Variants in PPARGC1A observed in about 807,000 individuals in gnomAD.
PPARGC1A encodes the protein PPARG coactivator 1 alpha.
PPARGC1A carries 25 observed loss-of-function variants against 88.7 expected under a neutral mutation model. The observed-to-expected ratio is 0.28, with a 90% CI of 0.21 to 0.39. PPARGC1A has a LOEUF of 0.39. PPARGC1A is among the 10% of genes least tolerant of loss of function. The pLI is 1.00. For synonymous variants in PPARGC1A, 363 were observed against 355.6 expected (o/e 1.02, Z -0.24); for missense variants, 880 against 968.7 (o/e 0.91, Z 1.22).
the PPARGC1A span, among the ~76,000 whole-genome samples, chr4:24,316,549 A>C: frequency 4.6e-5 from 7 of 152,164 alleles, no homozygotes; most frequent in Non-Finnish European, 1.0e-4. Context: ...AACCCTCCAC[A>C]TTAGCTTTAT....
the PPARGC1A span, among the ~76,000 whole-genome samples, chr4:24,250,718 A>T: frequency 6.6e-6 from 1 of 152,220 alleles, no homozygotes; most frequent in Non-Finnish European, 1.5e-5. Context: ...AGTCCAGGTC[A>T]GGTCAAGGGG....
the PPARGC1A span, among the ~76,000 whole-genome samples, chr4:24,304,686 G>T: frequency 6.6e-6 from 1 of 152,062 alleles, no homozygotes; most frequent in African/African-American, 2.4e-5. Context: ...TTCACTGACC[G>T]AATCAGGACA....
chr4:23,910,113 G>C, the PPARGC1A span, among the ~76,000 whole-genome samples: 17 of 130,750 alleles, frequency 1.3e-4, no homozygotes, highest in South Asian at 2.3e-4. Flanking sequence ...ATATGTATAT[G>C]TGTGTGTATA....
chr4:24,455,786 A>G, the PPARGC1A span, among the ~76,000 whole-genome samples: 3 of 152,220 alleles, frequency 2.0e-5, no homozygotes, highest in African/African-American at 7.2e-5. Flanking sequence ...ACCTTCTGCC[A>G]TGAAATGATG....
chr4:24,000,972 G>A, the PPARGC1A span, among the ~76,000 whole-genome samples: 1 of 152,090 alleles, frequency 6.6e-6, no homozygotes, highest in East Asian at 1.9e-4. Context: ...CCAATATTCA[G>A]TTTTATCTAA....
At chr4:24,004,567 C>G in the PPARGC1A span, among the ~76,000 whole-genome samples, 4 of 152,326 alleles carry the variant, frequency 2.6e-5, no homozygotes, top group East Asian at 7.7e-4. Context: ...AATTTCACCT[C>G]TAAGGTGGCT....
the PPARGC1A span, among the ~76,000 whole-genome samples, chr4:24,290,601 C>T: frequency 1.3e-5 from 2 of 152,178 alleles, no homozygotes; most frequent in Non-Finnish European, 1.5e-5. Flanking sequence ...TCATGATTTC[C>T]TTGAATGCCC....
At chr4:23,955,978 A>T in the PPARGC1A span, among the ~76,000 whole-genome samples, 1 of 152,082 alleles carries the variant, frequency 6.6e-6, no homozygotes, top group Non-Finnish European at 1.5e-5. Flanking sequence ...CTGCCATGTA[A>T]ATCAAAAGCA....
chr4:24,204,196 G>A, the PPARGC1A span, among the ~76,000 whole-genome samples: 2 of 152,162 alleles, frequency 1.3e-5, no homozygotes, highest in Non-Finnish European at 2.9e-5. Flanking sequence ...CCAGTAAAGA[G>A]TTAAGGGGCC....
the PPARGC1A span, among the ~76,000 whole-genome samples, chr4:23,992,698 C>T: frequency 6.6e-6 from 1 of 152,036 alleles, no homozygotes; most frequent in African/African-American, 2.4e-5. Context: ...CTCGATATAG[C>T]CCATTAATTT....
the PPARGC1A span, among the ~76,000 whole-genome samples, chr4:24,432,142 G>A: frequency 2.6e-5 from 4 of 152,238 alleles, no homozygotes; most frequent in Admixed American, 6.5e-5. Context: ...ATAAGACAGA[G>A]GAAAGAAAGT....
chr4:24,061,872 A>G, the PPARGC1A span, among the ~76,000 whole-genome samples: 3 of 152,328 alleles, frequency 2.0e-5, no homozygotes, highest in Admixed American at 2.0e-4. Context: ...CCAGCTGCCC[A>G]GATCTTGAGT....
chr4:24,308,385 G>T, the PPARGC1A span, among the ~76,000 whole-genome samples: 312 of 151,982 alleles, frequency 2.1e-3, no homozygotes, highest in Admixed American at 5.8e-3. Flanking sequence ...TTTGAATCAG[G>T]TTAACTTTTA....
At chr4:23,990,781 C>T in the PPARGC1A span, among the ~76,000 whole-genome samples, 1 of 152,018 alleles carries the variant, frequency 6.6e-6, no homozygotes, top group Non-Finnish European at 1.5e-5. Flanking sequence ...TCAATTTGAC[C>T]TACATCCATT....
chr4:24,137,376 T>A, the PPARGC1A span, among the ~76,000 whole-genome samples: 1 of 152,114 alleles, frequency 6.6e-6, no homozygotes, highest in Non-Finnish European at 1.5e-5. Context: ...AGCCACCCAG[T>A]CCCTGGTACT....
chr4:24,297,820 G>A, the PPARGC1A span, among the ~76,000 whole-genome samples: 2 of 152,122 alleles, frequency 1.3e-5, no homozygotes, highest in South Asian at 2.1e-4. Flanking sequence ...GACAAAACAG[G>A]TTGCTAATAC....
At chr4:24,349,449 C>T in the PPARGC1A span, among the ~76,000 whole-genome samples, 15 of 152,152 alleles carry the variant, frequency 9.9e-5, no homozygotes, top group Admixed American at 9.8e-4. Flanking sequence ...TGTCTGAGCT[C>T]AAACTCTCCT....
chr4:23,931,889 A>G, the PPARGC1A span, among the ~76,000 whole-genome samples: 1 of 152,126 alleles, frequency 6.6e-6, no homozygotes, highest in East Asian at 1.9e-4. Flanking sequence ...CCATGGTGTG[A>G]CCTCAGGCAA....
At chr4:24,323,893 A>G in the PPARGC1A span, among the ~76,000 whole-genome samples, 1 of 152,152 alleles carries the variant, frequency 6.6e-6, no homozygotes, top group African/African-American at 2.4e-5. Context: ...TCTCTTCTCC[A>G]GCTTCCCTCA....
Sources: gnomAD v4.1 joint callset for allele counts (sites outside exome capture counted in the v4.1 genomes callset) on GRCh38, gnomAD v4.1.1 for gene constraint, MANE v1.5 for transcripts, NCBI Gene and HGNC (gene_info 2026-07-23, HGNC 2026-07-21) for gene names.